The following CADPS2 variants were observed in gnomAD, a reference collection of about 807,000 sequenced individuals.
The protein encoded by CADPS2 is calcium dependent secretion activator 2.
A neutral mutation model predicts 172.5 loss-of-function variants in CADPS2; 93 were observed. The observed-to-expected ratio is 0.54, with a 90% CI of 0.46 to 0.64. The LOEUF is 0.64. Among genes scored for constraint, CADPS2 ranks in the 30% least tolerant of loss-of-function variants. The probability of loss-of-function intolerance (pLI) is 0.00; values close to 1 mark genes in which losing one functional copy is unlikely to be tolerated. For missense variants in CADPS2, 1,420 were observed against 1,565.9 expected (o/e 0.91, Z 1.57); for synonymous variants, 546 against 555.2 (o/e 0.98, Z 0.23).
chr7:122,732,527 C>G (rs1401034289), intron 2 of CADPS2, among the ~76,000 whole-genome samples: 1 of 149,340 alleles, frequency 6.7e-6, no homozygotes. Flanking sequence ...ATTTGTAATA[C>G]ACATTTATTA....
chr7:122,344,917 G>T (rs1352774685), intron 28 of CADPS2, among the ~76,000 whole-genome samples: 2 of 152,074 alleles, frequency 1.3e-5, no homozygotes, highest in Non-Finnish European at 2.9e-5. Context: ...AGCTGCAAAT[G>T]AACAGGAATT....
intron 1 of CADPS2, among the ~76,000 whole-genome samples, chr7:122,837,019 C>G (rs889561508): frequency 6.6e-6 from 1 of 152,126 alleles, no homozygotes; most frequent in Non-Finnish European, 1.5e-5. Flanking sequence ...ATTGACCACA[C>G]AGTTGGAAGT....
At chr7:122,820,892 C>T (rs1156420448) in intron 1 of CADPS2, among the ~76,000 whole-genome samples, 1 of 143,728 alleles carries the variant, frequency 7.0e-6, no homozygotes, top group African/African-American at 2.6e-5. Context: ...CTCATGTCTG[C>T]ATGCAGTGGC....
intron 14 of CADPS2, among the ~76,000 whole-genome samples, chr7:122,466,302 A>G (rs933975697): frequency 3.9e-5 from 6 of 152,226 alleles, no homozygotes; most frequent in African/African-American, 1.4e-4. Flanking sequence ...AGAGGAAATT[A>G]ATTAGGTGGC....
chr7:122,793,133 T>G (rs1795638787), intron 1 of CADPS2, among the ~76,000 whole-genome samples: 1 of 152,180 alleles, frequency 6.6e-6, no homozygotes, highest in African/African-American at 2.4e-5. Flanking sequence ...TCATTTTTCA[T>G]TTCCATTGAT....
At chr7:122,325,017 A>G (rs1188226957) in intron 29 of CADPS2, among the ~76,000 whole-genome samples, 4 of 152,066 alleles carry the variant, frequency 2.6e-5, no homozygotes, top group Non-Finnish European at 5.9e-5. Context: ...CATGCTTCCA[A>G]AAGGATTTGG....
chr7:122,595,047 C>G (rs1325754508), intron 6 of CADPS2, among the ~76,000 whole-genome samples: 1 of 151,440 alleles, frequency 6.6e-6, no homozygotes, highest in Non-Finnish European at 1.5e-5. Context: ...AGAAATTTAC[C>G]AATATGTTAT....
chr7:122,778,447 A>G (rs1017414476), intron 1 of CADPS2, among the ~76,000 whole-genome samples: 3 of 152,228 alleles, frequency 2.0e-5, no homozygotes, highest in East Asian at 3.8e-4. Context: ...CCCAAGTAAC[A>G]TGGAGCCCAA....
Position 122,567,518 on chromosome 7 carries a change from A to G in CADPS2, c.1336-12829T>C, listed in dbSNP as rs2066623085. ...AATTCTGATTTTGTTCAAAGCAACA[A>G]TTGTTAAATAAATGTACAATCTTCT... On this transcript the variant is annotated intron_variant, in intron 7 of 29. Coordinates refer to ENST00000449022, the MANE Select transcript of CADPS2 (RefSeq NM_017954.11). 2.0e-5 allele frequency among the ~76,000 whole-genome samples: 3 copies of G among 152,160 alleles called. No individual in the cohort carries two copies. In the South Asian group the frequency reaches 6.2e-4, roughly 31 times the overall value.
At chr7:122,438,763 G>T (rs549253573) in intron 16 of CADPS2, among the ~76,000 whole-genome samples, 1 of 151,790 alleles carries the variant, frequency 6.6e-6, no homozygotes, top group Non-Finnish European at 1.5e-5. Flanking sequence ...TTCTTCCAGG[G>T]ACCCATGACA....
intron 7 of CADPS2, 41 bp from the exon 8 acceptor site, chr7:122,554,730 GAGT>G (rs1434070312): frequency 6.5e-7 from 1 of 1,535,026 alleles, no homozygotes; most frequent in East Asian, 2.3e-5. Flanking sequence ...GCATGATACG[GAGT>G]GTCTATGGGT....
chr7:122,414,066 A>G lies in CADPS2; in HGVS notation c.2589+2T>C. Reference sequence around the variant, plus strand: ...TAAAATAGTGGAAATCATTTTACTCACCTCTCTTCCCTGAGGGTTTCCAAG... The same window carrying G: ...TAAAATAGTGGAAATCATTTTACTCGCCTCTCTTCCCTGAGGGTTTCCAAG... On this transcript the variant is annotated splice_donor_variant, in intron 19 of 29. Coordinates refer to ENST00000449022, the MANE Select transcript of CADPS2 (RefSeq NM_017954.11). LOFTEE classifies it high-confidence loss of function. The G allele has an allele frequency of 1.3e-6, 2 of 1,548,148 alleles. No homozygotes were observed. Among genetic ancestry groups the G allele is most frequent in the Non-Finnish European group, 1.7e-6 (2 of 1,160,340 alleles).
At chr7:122,455,548 T>C (rs868431497) in intron 14 of CADPS2, among the ~76,000 whole-genome samples, 3 of 152,038 alleles carry the variant, frequency 2.0e-5, no homozygotes, top group South Asian at 2.1e-4. Flanking sequence ...AGATGGCATA[T>C]TGTTGATATT....
At position 122,388,572 on chromosome 7, in the gene CADPS2, T is replaced by G. The variant is rs1354236979; in HGVS notation, c.3164+11A>C. 1 of 1,563,468 alleles carries G rather than the reference T, an allele frequency of 6.4e-7. No individual in the cohort carries two copies. The highest frequency in any genetic ancestry group is 1.4e-5 in the African/African-American group (1 of 73,168). ...GGCACATTAAGCAGCAATTTGAAAA[T>G]ACATGTCTACCTTTTGACACAGGCC... On this transcript the variant is annotated intron_variant, in intron 23 of 29. Coordinates refer to ENST00000449022, the MANE Select transcript of CADPS2 (RefSeq NM_017954.11).
intron 3 of CADPS2, among the ~76,000 whole-genome samples, chr7:122,655,708 GA>G (rs1194829709): frequency 6.7e-6 from 1 of 149,986 alleles, no homozygotes; most frequent in Non-Finnish European, 1.5e-5. Flanking sequence ...TAGCATTCAG[GA>G]AAAAAAAAGT....
chr7:122,369,191 G>A (rs2041427160), intron 25 of CADPS2, among the ~76,000 whole-genome samples: 1 of 129,722 alleles, frequency 7.7e-6, no homozygotes, highest in African/African-American at 2.9e-5. Flanking sequence ...GAGTGCAGTG[G>A]CGCAATCTCG....
intron 1 of CADPS2, among the ~76,000 whole-genome samples, chr7:122,812,999 T>A (rs2501455): frequency 0.19 from 28,415 of 152,120 alleles, 3,146 homozygotes; most frequent in African/African-American, 0.31. Flanking sequence ...GTAATCAGAT[T>A]ATTTGGTGAT....
At chr7:122,332,646 C>T (rs1390771401) in intron 28 of CADPS2, among the ~76,000 whole-genome samples, 1 of 152,108 alleles carries the variant, frequency 6.6e-6, no homozygotes, top group Non-Finnish European at 1.5e-5. Flanking sequence ...GCATTCCATA[C>T]TTCATCTTTT....
intron 17 of CADPS2, among the ~76,000 whole-genome samples, chr7:122,432,379 C>T (rs1488426192): frequency 6.6e-6 from 1 of 152,118 alleles, no homozygotes; most frequent in African/African-American, 2.4e-5. Flanking sequence ...GTGGCTCATG[C>T]TTGTAATCCC....
Sources: allele counts gnomAD v4.1 joint callset (sites outside exome capture counted in the v4.1 genomes callset), GRCh38; gene constraint gnomAD v4.1.1; transcripts MANE v1.5; gene names NCBI Gene and HGNC (gene_info 2026-07-23, HGNC 2026-07-21).